NEMP2: variants seen among roughly 807,000 people sequenced by gnomAD.
The protein encoded by NEMP2 is UPF0571 transmembrane protein.
NEMP2 carries 53 observed loss-of-function variants against 54.2 expected under a neutral mutation model. The observed-to-expected ratio is 0.98, with a 90% CI of 0.78 to 1.23. The LOEUF is 1.23. Among genes scored for constraint, NEMP2 ranks in the 50% most tolerant of loss-of-function variants. The pLI is 0.00. For missense variants in NEMP2, 455 were observed against 511.3 expected, an observed-to-expected ratio of 0.89 and a Z score of 1.06; for synonymous variants, 197 against 190.3, an observed-to-expected ratio of 1.04 and a Z score of -0.29.
chr2:190,581,672 T>A, the NEMP2 span, among the ~76,000 whole-genome samples: 1 of 152,182 alleles, frequency 6.6e-6, no homozygotes, highest in African/African-American at 2.4e-5. Flanking sequence ...TTTTTTCCTA[T>A]AAAAACATAG....
the NEMP2 span, chr2:190,436,974 G>A: frequency 2.5e-3 from 3,967 of 1,614,228 alleles, 165 homozygotes; most frequent in Admixed American, 0.059. This position sits in a 1 kb window ranked among gnomAD's most constrained non-coding sequence, Gnocchi z 5.3. Context: ...TCACACTCCA[G>A]TATCTGGGAA....
the NEMP2 span, among the ~76,000 whole-genome samples, chr2:190,597,651 C>T: frequency 1.3e-5 from 2 of 152,170 alleles, no homozygotes; most frequent in Admixed American, 6.5e-5. The surrounding 1 kb of genome is among the most constrained non-coding windows in gnomAD (Gnocchi z 4.7). Flanking sequence ...AGGTGCCCAA[C>T]ACAGTAGTTG....
chr2:190,574,918 G>A, the NEMP2 span, among the ~76,000 whole-genome samples: 4 of 151,038 alleles, frequency 2.6e-5, no homozygotes, highest in South Asian at 2.1e-4. Flanking sequence ...ACAGTGGTGC[G>A]ATCTCAGCTC....
At chr2:190,446,529 C>T in the NEMP2 span, among the ~76,000 whole-genome samples, 6 of 152,118 alleles carry the variant, frequency 3.9e-5, no homozygotes, top group Admixed American at 1.3e-4. Context: ...TAATAACTCA[C>T]TGGGATCTGA....
the NEMP2 span, among the ~76,000 whole-genome samples, chr2:190,445,457 C>CAA: frequency 0.23 from 33,494 of 143,606 alleles, 4,667 homozygotes; most frequent in South Asian, 0.38. Context: ...GCCCCAATCA[C>CAA]AAAAAAAAAA....
upstream of NEMP2, among the ~76,000 whole-genome samples, chr2:190,535,679 C>A (rs961416347): frequency 5.9e-5 from 9 of 152,200 alleles, no homozygotes; most frequent in African/African-American, 2.2e-4. Flanking sequence ...GCTTTCCTTG[C>A]CCTCAAAGAA....
the NEMP2 span, among the ~76,000 whole-genome samples, chr2:190,636,580 C>T: frequency 3.3e-5 from 5 of 152,190 alleles, no homozygotes; most frequent in Admixed American, 2.6e-4. Context: ...AGTAGTGGAA[C>T]AACTATGACT....
chr2:190,468,619 ATTTTTT>A, the NEMP2 span, among the ~76,000 whole-genome samples: 2 of 128,032 alleles, frequency 1.6e-5, no homozygotes, highest in Non-Finnish European at 3.3e-5. Flanking sequence ...AGCCTGGCTA[ATTTTTT>A]TTTTTTTTTT....
chr2:190,611,494 C>T, the NEMP2 span, among the ~76,000 whole-genome samples: 11 of 152,136 alleles, frequency 7.2e-5, no homozygotes, highest in Non-Finnish European at 1.6e-4. This position sits in a 1 kb window ranked among gnomAD's most constrained non-coding sequence, Gnocchi z 5.4. Context: ...TGTTAAAGAG[C>T]AGGTTAGTGC....
chr2:190,554,391 G>A, the NEMP2 span, among the ~76,000 whole-genome samples: 1 of 152,226 alleles, frequency 6.6e-6, no homozygotes, highest in Non-Finnish European at 1.5e-5. This position sits in a 1 kb window ranked among gnomAD's most constrained non-coding sequence, Gnocchi z 5.7. Context: ...AGCCTAGCAA[G>A]CTAAGATCCA....
chr2:190,567,165 G>A, the NEMP2 span, among the ~76,000 whole-genome samples: 18 of 152,110 alleles, frequency 1.2e-4, no homozygotes, highest in African/African-American at 3.6e-4. The surrounding 1 kb of genome is among the most constrained non-coding windows in gnomAD (Gnocchi z 4.0). Flanking sequence ...AAAAAGGAAG[G>A]AGCTCTTGGA....
chr2:190,478,980 C>G, the NEMP2 span, among the ~76,000 whole-genome samples: 1 of 152,202 alleles, frequency 6.6e-6, no homozygotes. Context: ...CTATAGCCCC[C>G]GCTACCCAGC....
rs910934013 is a variant in NEMP2 at position 190,507,887 on chromosome 2, A to C, written c.*1302T>G. 2 of 152,208 alleles carry C rather than the reference A, an allele frequency of 1.3e-5. No individual in the cohort carries two copies. The highest frequency in any genetic ancestry group is 2.4e-5 in the African/African-American group (1 of 41,452). 9.4% of individuals were successfully genotyped at this position (152,208 alleles called of 1,614,324 possible). The stretch of plus-strand genomic sequence containing the variant: ...TCCTGATAAAAAGATTATTTTTATG[A>C]TCCCATCACAGGAAAAAAAGCCTGA... On this transcript the variant is annotated 3_prime_UTR_variant, in exon 9 of 9. Transcript: ENST00000409150. The surrounding 1 kb of genome is among the most constrained non-coding windows in gnomAD (Gnocchi z 4.4).
At chr2:190,569,811 T>C in the NEMP2 span, among the ~76,000 whole-genome samples, 10 of 152,062 alleles carry the variant, frequency 6.6e-5, no homozygotes, top group African/African-American at 2.4e-4. Context: ...TGAGACCCTT[T>C]CTCCAACAAT....
chr2:190,544,814 G>A, the NEMP2 span, among the ~76,000 whole-genome samples: 6 of 151,628 alleles, frequency 4.0e-5, no homozygotes, highest in South Asian at 6.2e-4. Context: ...GTAGCCAGGT[G>A]TGGTGGTTCA....
At chr2:190,458,959 A>T in the NEMP2 span, among the ~76,000 whole-genome samples, 1 of 152,214 alleles carries the variant, frequency 6.6e-6, no homozygotes, top group East Asian at 1.9e-4. The surrounding 1 kb of genome is among the most constrained non-coding windows in gnomAD (Gnocchi z 5.3). Flanking sequence ...GTTTCTGCTT[A>T]GCAGAAGGTA....
the NEMP2 span, among the ~76,000 whole-genome samples, chr2:190,438,567 C>G: frequency 6.6e-6 from 1 of 152,160 alleles, no homozygotes; most frequent in Non-Finnish European, 1.5e-5. The surrounding 1 kb of genome is among the most constrained non-coding windows in gnomAD (Gnocchi z 5.2). Context: ...TGTACTATTT[C>G]TTCTCACCAT....
At position 190,519,123 on chromosome 2, in the gene NEMP2, G is replaced by T. The variant is rs1690667373; in HGVS notation, c.274C>A (p.Gln92Lys). 1 of 1,550,992 alleles carries T rather than the reference G, an allele frequency of 6.4e-7. No individual in the cohort carries two copies. The highest frequency in any genetic ancestry group is 1.4e-5 in the African/African-American group (1 of 73,158). The part of the protein sequence containing the change: ...IVYIAERHNC[Q>K]YPENILSFIK... The stretch of plus-strand genomic sequence containing the variant: ...AAAGATAGAATGTTTTCTGGATATT[G>T]GCAATTATGTCTTTCTGCGATATAT... Residue 92 changes from glutamine (Q) to lysine (K), a missense_variant, in exon 3 of 9, where the codon CAA (glutamine) becomes AAA (lysine). This residue lies in a region of NEMP2 where 61 missense variants were observed against 97.5 expected (regional missense o/e 0.63). Coordinates refer to ENST00000409150, the MANE Select transcript of NEMP2 (RefSeq NM_001142645.2). The surrounding 1 kb of genome is among the most constrained non-coding windows in gnomAD (Gnocchi z 5.4).
Position 190,531,021 on chromosome 2 carries a change from G to A in NEMP2, c.97+3538C>T, listed in dbSNP as rs1691127329. The stretch of plus-strand genomic sequence containing the variant: ...TTTACCAAAAATAAAAAATTGGCCA[G>A]GATCATAATTCAGTCTCAAAAATAA... On this transcript the variant is annotated intron_variant, in intron 1 of 8. Transcript: ENST00000409150. The surrounding 1 kb of genome is among the most constrained non-coding windows in gnomAD (Gnocchi z 4.7). Among the ~76,000 whole-genome samples, 1 of 151,980 alleles carries A rather than the reference G, an allele frequency of 6.6e-6. No homozygotes were observed. Among genetic ancestry groups the A allele is most frequent in the African/African-American group, 2.4e-5 (1 of 41,342 alleles).
Sources: gnomAD v4.1 joint callset for allele counts (sites outside exome capture counted in the v4.1 genomes callset) on GRCh38, gnomAD v4.1.1 for gene constraint, gnomAD v4.1.1 regional missense constraint, Gnocchi (gnomAD v3.1) non-coding constraint, MANE v1.5 for transcripts, NCBI Gene and HGNC (gene_info 2026-07-23, HGNC 2026-07-21) for gene names.